EP400: variants seen among roughly 807,000 people sequenced by gnomAD.
EP400 encodes E1A binding protein p400, also known as E1A-binding protein p400.
A neutral mutation model predicts 354.1 loss-of-function variants in EP400; 105 were observed. The ratio of observed to expected loss-of-function variants is 0.30; its 90% confidence interval spans 0.25 to 0.35. EP400 has a LOEUF of 0.35. EP400 is among the 10% of genes least tolerant of loss of function. The pLI is 1.00. For synonymous variants in EP400, 1,646 were observed against 1,716.9 expected (o/e 0.96, Z 1.02); for missense variants, 3,280 against 4,121.0 (o/e 0.80, Z 5.59).
intron 2 of EP400, among the ~76,000 whole-genome samples, chr12:131,968,498 G>A (rs1183893644): frequency 6.6e-6 from 1 of 152,212 alleles, no homozygotes; most frequent in African/African-American, 2.4e-5. Context: ...TTGAAGTCAA[G>A]TAGTGTGAGT....
chr12:131,992,260 A>T (rs1190777057), intron 11 of EP400, 30 bp downstream of exon 11: 5 of 1,597,444 alleles, frequency 3.1e-6, no homozygotes, highest in Middle Eastern at 1.7e-4. Flanking sequence ...TATCTTTGTC[A>T]TCTCCAGGGC....
chr12:132,067,574 C>T lies in EP400; in HGVS notation c.8874+88C>T, dbSNP rs943822716. The stretch of plus-strand genomic sequence containing the variant: ...AGAGGGTCCTAAGCAGACAAATCCC[C>T]ATGTGGCGGCTCACGCTTTTCAGAG... On this transcript the variant is annotated intron_variant, in intron 50 of 52. Coordinates refer to ENST00000389561, the MANE Select transcript of EP400 (RefSeq NM_015409.5). The surrounding 1 kb of genome is among the most constrained non-coding windows in gnomAD (Gnocchi z 5.3). 2.0e-6 allele frequency: 3 copies of T among 1,519,736 alleles called. No individual in the cohort carries two copies. The African/African-American group carries it at 4.1e-5, about 21-fold the overall frequency. The allele number at this position is 1,519,736 out of a possible 1,614,324, so 94.1% of individuals were successfully genotyped here. A position where few individuals can be genotyped will look rare whatever the true frequency, so the allele number is the denominator to read the frequency against.
intron 15 of EP400, among the ~76,000 whole-genome samples, chr12:132,011,009 A>T (rs556520865): frequency 6.6e-6 from 1 of 152,358 alleles, no homozygotes; most frequent in African/African-American, 2.4e-5. Flanking sequence ...GATGGTTTGG[A>T]TGTGCCCTGA....
rs1894794087 is a variant in EP400, at chr12:132,038,651, G to T, written c.6207+555G>T. On this transcript the variant is annotated intron_variant, in intron 32 of 52. Transcript: ENST00000389561. This position sits in a 1 kb window ranked among gnomAD's most constrained non-coding sequence, Gnocchi z 4.2. ...TCAATATTTTACTGTTTCGGTGTGG[G>T]TAGTAGAAGATAGAGGGCATGTTTG... 2.6e-5 allele frequency among the ~76,000 whole-genome samples: 4 copies of T among 152,210 alleles called. No individual in the cohort carries two copies. In the South Asian group the frequency reaches 8.3e-4, roughly 32 times the overall value.
rs935114073 is a variant in EP400 at position 132,054,175 on chromosome 12, T to C, written c.7728+578T>C. Among the ~76,000 whole-genome samples the C allele has an allele frequency of 2.0e-5, 3 of 152,222 alleles. No homozygotes were observed. The highest frequency in any genetic ancestry group is 1.3e-4 in the Admixed American group (2 of 15,278). ...GTGCCACACAGACGCTGAAATCATATGCGCAGAATCACACCTGCAGAGAAT... is the reference window on the plus strand; with the variant it reads ...GTGCCACACAGACGCTGAAATCATACGCGCAGAATCACACCTGCAGAGAAT... On this transcript the variant is annotated intron_variant, in intron 43 of 52. Transcript: ENST00000389561. The surrounding 1 kb of genome is among the most constrained non-coding windows in gnomAD (Gnocchi z 4.0).
intron 14 of EP400, 145 bp from the exon 15 acceptor site, chr12:132,006,555 G>A (rs1700483782): frequency 3.1e-6 from 3 of 964,304 alleles, no homozygotes; most frequent in South Asian, 1.8e-5. Context: ...TCCAAAAGAA[G>A]CAATTCTTCC....
Position 132,029,107 on chromosome 12 carries a change from G to A in EP400, c.5382-594G>A, listed in dbSNP as rs968706713. 1 of 153,344 alleles carries A rather than the reference G, an allele frequency of 6.5e-6. No homozygotes were observed. Among genetic ancestry groups the A allele is most frequent in the Non-Finnish European group, 1.5e-5 (1 of 68,934 alleles). 9.5% of individuals were successfully genotyped at this position (153,344 alleles called of 1,614,324 possible). ...TTCTTTCGAGTACTGATTTGTCTTT[G>A]TGTACTCCTCCCTCATTGAACATCA... On this transcript the variant is annotated intron_variant, in intron 27 of 52. Transcript: ENST00000389561. This position sits in a 1 kb window ranked among gnomAD's most constrained non-coding sequence, Gnocchi z 4.7.
rs1331802175 is a variant in EP400, at chr12:132,064,862, G to A, written c.8529G>A (p.Val2843=). The A allele has an allele frequency of 3.1e-5, 50 of 1,610,256 alleles. No individual in the cohort carries two copies. In the Admixed American group the frequency reaches 8.2e-4, roughly 26 times the overall value. ...GTGCCCTGCTGACGGGCACCACCGT[G>A]GCCAACCTCCAGGTGGCCCGGCTCG... is the stretch of plus-strand genomic sequence containing the variant. ...RPGALLTGTT[V]ANLQVARLTR... Residue 2843 remains valine, a synonymous_variant, in exon 48 of 53, where the codon GTG becomes GTA. Coordinates refer to ENST00000389561, the MANE Select transcript of EP400 (RefSeq NM_015409.5).
chr12:131,998,449 C>G (rs997986385), intron 12 of EP400, among the ~76,000 whole-genome samples: 1 of 152,044 alleles, frequency 6.6e-6, no homozygotes, highest in Non-Finnish European at 1.5e-5. Flanking sequence ...TCCTAAATAG[C>G]TTTCCATAAA....
chr12:131,984,020 G>C (rs559317140), intron 5 of EP400, among the ~76,000 whole-genome samples: 2 of 151,924 alleles, frequency 1.3e-5, no homozygotes, highest in African/African-American at 2.4e-5. Flanking sequence ...TCCTGCCTCA[G>C]CTCCCGAGTA....
chr12:132,076,774 G>T (rs1236326429), intron 52 of EP400, among the ~76,000 whole-genome samples, 181 bp downstream of exon 52: 1 of 152,244 alleles, frequency 6.6e-6, no homozygotes, highest in Admixed American at 6.5e-5. Context: ...TTTAGAGGTT[G>T]TGTCAGCCAT....
intron 29 of EP400, 59 bp downstream of exon 29, chr12:132,030,217 A>G: frequency 6.3e-7 from 1 of 1,583,990 alleles, no homozygotes; most frequent in Non-Finnish European, 8.6e-7. Flanking sequence ...TTGAATGCCT[A>G]AGTGCTGTGT....
At chr12:132,024,039 C>T (rs1894214374) in intron 24 of EP400, 98 bp downstream of exon 24, 1 of 1,308,272 alleles carries the variant, frequency 7.6e-7, no homozygotes, top group African/African-American at 1.5e-5. Flanking sequence ...ATTTAAGTGT[C>T]AGGCTTTTCC....
At chr12:132,072,428 T>A (rs1896094721) in intron 51 of EP400, among the ~76,000 whole-genome samples, 1 of 152,260 alleles carries the variant, frequency 6.6e-6, no homozygotes, top group South Asian at 2.1e-4. Context: ...ACTGCCTGGG[T>A]TCTTTTTAGA....
intron 30 of EP400, among the ~76,000 whole-genome samples, chr12:132,035,815 C>G (rs1354596388): frequency 6.9e-6 from 1 of 145,150 alleles, no homozygotes; most frequent in Non-Finnish European, 1.5e-5. Flanking sequence ...CAGGTTCACG[C>G]GGAACATCGT....
At chr12:131,978,284 C>A (rs1017827155) in intron 2 of EP400, among the ~76,000 whole-genome samples, 1 of 152,114 alleles carries the variant, frequency 6.6e-6, no homozygotes, top group Non-Finnish European at 1.5e-5. Context: ...TATCCGTGTC[C>A]CCCACCAGAC....
At chr12:131,999,994 T>C (rs1289964134) in intron 12 of EP400, among the ~76,000 whole-genome samples, 3 of 150,910 alleles carry the variant, frequency 2.0e-5, no homozygotes, top group African/African-American at 7.3e-5. Flanking sequence ...TTTTTTTTTT[T>C]AATCTGGCGC....
intron 12 of EP400, among the ~76,000 whole-genome samples, chr12:131,995,818 G>A (rs900350394): frequency 1.9e-4 from 21 of 111,616 alleles, no homozygotes; most frequent in East Asian, 7.9e-4. Context: ...GAATCCCACC[G>A]CAGCTTGACT....
chr12:131,970,689 A>C (rs1380049928), intron 2 of EP400, among the ~76,000 whole-genome samples: 1 of 152,234 alleles, frequency 6.6e-6, no homozygotes, highest in Non-Finnish European at 1.5e-5. Flanking sequence ...ACACACCCAC[A>C]GGTGGTGACA....
Sources: allele counts gnomAD v4.1 joint callset (sites outside exome capture counted in the v4.1 genomes callset), GRCh38; gene constraint gnomAD v4.1.1; non-coding constraint Gnocchi (gnomAD v3.1); transcripts MANE v1.5; gene names NCBI Gene and HGNC (gene_info 2026-07-23, HGNC 2026-07-21).